The following NOL6 variants were observed in gnomAD, a reference collection of about 807,000 sequenced individuals.
The protein encoded by NOL6 is nucleolar RNA-associated protein.
NOL6 carries 33 observed loss-of-function variants against 131.7 expected under a neutral mutation model. The ratio of observed to expected loss-of-function variants is 0.25; its 90% CI spans 0.19 to 0.33. NOL6 has a LOEUF of 0.33. Among genes scored for constraint, NOL6 ranks in the 10% least tolerant of loss-of-function variants. The pLI is 1.00. For synonymous variants in NOL6, 580 were observed against 605.7 expected (o/e 0.96, Z 0.62); for missense variants, 1,297 against 1,494.5 (o/e 0.87, Z 2.18).
chr9:33,472,779 C>T, intron 1 of NOL6: 1 of 295,676 alleles, frequency 3.4e-6, no homozygotes, highest in Non-Finnish European at 6.5e-6. Context: ...TCGAAATCAG[C>T]CTGGCCAACA....
intron 4 of NOL6, 56 bp from the exon 5 acceptor site, chr9:33,469,723 G>T (rs1827355896): frequency 6.3e-7 from 1 of 1,575,132 alleles, no homozygotes; most frequent in African/African-American, 1.4e-5. Flanking sequence ...GTGGAGCTGT[G>T]GGCCAAGGTG....
rs111688613 is a variant in NOL6, at chr9:33,466,144, C to T, written c.2291G>A (p.Arg764His). 8,437 of 1,613,186 alleles carry T rather than the reference C, an allele frequency of 5.2e-3. 25 individuals carry two copies. The highest frequency in any genetic ancestry group is 9.3e-3 in the Middle Eastern group (56 of 6,042). ...CTGTTGTGTCAACAGCTCTGCCAGG[C>T]GCAGCTGGAAGGCAGCTCGGACCCG... ...VQRVRAAFQL[R>H]LAELLTQQHG... Residue 764 changes from arginine to histidine, a missense_variant, in exon 18 of 26, where the codon CGC becomes CAC. Transcript: ENST00000297990.
rs115821579 is a variant in NOL6 at position 33,469,314 on chromosome 9, C to T, written c.755G>A (p.Arg252His). Residue 252 changes from arginine to histidine, a missense_variant, in exon 6 of 26, where the codon CGT (arginine) becomes CAT (histidine). By Grantham distance (29) the Arg-to-His change is conservative (BLOSUM62 0). Coordinates refer to ENST00000297990, the MANE Select transcript of NOL6 (RefSeq NM_022917.5). The part of the protein sequence containing the change: ...RGKDERLVTV[R>H]LHPCPPPDFF... ...GTCAGGTGGAGGGCACGGATGCAGA[C>T]GTACAGTGACCAGGCGCTCATCCTT... is the stretch of plus-strand genomic sequence containing the variant. 3.0e-5 allele frequency: 48 copies of T among 1,613,916 alleles called. No individual in the cohort carries two copies. The East Asian group carries it at 5.3e-4, about 18-fold the overall frequency.
chr9:33,468,707 CAGG>C (rs765219638), intron 8 of NOL6, 42 bp downstream of exon 8: 4 of 1,613,314 alleles, frequency 2.5e-6, no homozygotes, highest in Non-Finnish European at 3.4e-6. Flanking sequence ...AGAGGATTCC[CAGG>C]AGGAGTGGAG....
At position 33,465,985 on chromosome 9, in the gene NOL6, G is replaced by A. The variant is rs899026045; in HGVS notation, c.2364+86C>T. 1.3e-5 allele frequency: 21 copies of A among 1,567,114 alleles called. No homozygotes were observed. The Admixed American group carries it at 2.3e-4, about 17-fold the overall frequency. On this transcript the variant is annotated intron_variant, in intron 18 of 25. Coordinates refer to ENST00000297990, the MANE Select transcript of NOL6 (RefSeq NM_022917.5). ...GGCCTACAGCCCTATTACCCAGCGT[G>A]GTACCCACAGGGGTGTCTTCTTCCA... is the stretch of plus-strand genomic sequence containing the variant.
intron 19 of NOL6, 45 bp from the exon 20 acceptor site, chr9:33,465,404 C>T: frequency 1.9e-6 from 3 of 1,543,168 alleles, no homozygotes; most frequent in Non-Finnish European, 2.6e-6. Flanking sequence ...GGCCCCACTG[C>T]CACTGTTCAT....
chr9:33,472,770 C>G, intron 1 of NOL6: 1 of 302,112 alleles, frequency 3.3e-6, no homozygotes, highest in South Asian at 3.6e-5. Context: ...GTCAGGAGTT[C>G]GAAATCAGCC....
chr9:33,465,400 A>G lies in NOL6; in HGVS notation c.2529-41T>C, dbSNP rs912810127. On this transcript the variant is annotated intron_variant, in intron 19 of 25. Transcript: ENST00000297990. Reference sequence around the variant, plus strand: ...GAGTGTCAGCGAGACTCAGGGCCCCACTGCCACTGTTCATCCAGCCCCTAC... The same window carrying G: ...GAGTGTCAGCGAGACTCAGGGCCCCGCTGCCACTGTTCATCCAGCCCCTAC... 3.9e-6 allele frequency: 6 copies of G among 1,546,912 alleles called. No individual in the cohort carries two copies. In the African/African-American group the frequency reaches 8.2e-5, roughly 21 times the overall value.
rs970370722 is a variant in NOL6 at position 33,472,556 on chromosome 9, G to A, written c.55-144C>T. 2.7e-5 allele frequency: 18 copies of A among 678,364 alleles called. No individual in the cohort carries two copies. In the African/African-American group the frequency reaches 2.7e-4, roughly 10 times the overall value. The allele number at this position is 678,364 out of a possible 1,614,324, so 42.0% of individuals were successfully genotyped here. On this transcript the variant is annotated intron_variant, in intron 1 of 25. Transcript: ENST00000297990. ...AGGAGTCAGATTTTGTAAAACTCAG[G>A]AGAATCGTTACTTGGATGAACATCA...
At chr9:33,472,863 C>T (rs572710411) in intron 1 of NOL6, among the ~76,000 whole-genome samples, 1 of 151,520 alleles carries the variant, frequency 6.6e-6, no homozygotes, top group African/African-American at 2.4e-5. Context: ...ATCTCAGCTA[C>T]GCGGGAGACT....
At chr9:33,463,803 C>A (rs769217702) in intron 23 of NOL6, 28 bp downstream of exon 23, 9 of 1,610,356 alleles carry the variant, frequency 5.6e-6, no homozygotes, top group Non-Finnish European at 3.4e-6. Flanking sequence ...CCCAGAGGCC[C>A]TGGAGTCACT....
Position 33,468,563 on chromosome 9 carries a change from G to A in NOL6, c.1151C>T (p.Thr384Ile), listed in dbSNP as rs749175470. Residue 384 changes from threonine to isoleucine, a missense_variant, in exon 9 of 26, where the codon ACT becomes ATT. By Grantham distance (89) the Thr-to-Ile change is moderately conservative. Coordinates refer to ENST00000297990, the MANE Select transcript of NOL6 (RefSeq NM_022917.5). The part of the protein sequence containing the change: ...VLRSVLQFLA[T>I]TDLTVNGISL... ...GATCCCGTTGACTGTCAGGTCTGTA[G>A]TGGCTGAAGTGAATCACAAGTGTAT... 3 of 1,614,136 alleles carry A rather than the reference G, an allele frequency of 1.9e-6. No individual in the cohort carries two copies. Among genetic ancestry groups the A allele is most frequent in the Non-Finnish European group, 1.7e-6 (2 of 1,179,990 alleles).
rs771664249 is a variant in NOL6, at chr9:33,468,591, G to C, written c.1148-25C>G. The C allele has an allele frequency of 9.9e-6, 16 of 1,613,392 alleles. No homozygotes were observed. In the East Asian group the frequency reaches 3.6e-4, roughly 36 times the overall value. On this transcript the variant is annotated intron_variant, in intron 8 of 25. Coordinates refer to ENST00000297990, the MANE Select transcript of NOL6 (RefSeq NM_022917.5). ...GCTGAAGTGAATCACAAGTGTATTAGAAGGTATCCCCTTCTGGGGACCCAG... is the reference window on the plus strand; with the variant it reads ...GCTGAAGTGAATCACAAGTGTATTACAAGGTATCCCCTTCTGGGGACCCAG...
chr9:33,473,649 G>A, intron 1 of NOL6, 140 bp downstream of exon 1: 1 of 905,736 alleles, frequency 1.1e-6, no homozygotes, highest in Non-Finnish European at 1.7e-6. Flanking sequence ...CCCTGTCTCA[G>A]TGCCACTGGC....
In NOL6 at chr9:33,469,253, G is replaced by A; in HGVS notation, c.816C>T (p.Asn272=). 6.2e-7 allele frequency: 1 copy of A among 1,614,196 alleles called. No individual in the cohort carries two copies. Among genetic ancestry groups the A allele is most frequent in the Non-Finnish European group, 8.5e-7 (1 of 1,180,036 alleles). Residue 272 remains asparagine (N), a synonymous_variant, in exon 6 of 26, where the codon AAC becomes AAT. Coordinates refer to ENST00000297990, the MANE Select transcript of NOL6 (RefSeq NM_022917.5). ...CTCGGTACCAGGCAGAGCGCACATT[G>A]TTCTTGGTTGGCAGCAAGCGGCACG... ...FRPCRLLPTK[N]NVRSAWYRGQ...
intron 19 of NOL6, 127 bp from the exon 20 acceptor site, chr9:33,465,486 C>A (rs540860974): frequency 9.0e-6 from 11 of 1,222,564 alleles, no homozygotes; most frequent in Non-Finnish European, 1.2e-5. Flanking sequence ...TTAAGAAATG[C>A]ACCAAGAAGT....
At position 33,472,244 on chromosome 9, in the gene NOL6, T is replaced by C; in HGVS notation, c.223A>G (p.Thr75Ala). 1 of 1,614,158 alleles carries C rather than the reference T, an allele frequency of 6.2e-7. No individual in the cohort carries two copies. ...TNEELNRLRE[T>A]EILFHSSLLR... ...AAGCTGGAGTGGAACAAGATCTCAG[T>C]CTCCCGAAGGCGATTAAGCTCCTCA... Residue 75 changes from threonine to alanine, a missense_variant, in exon 2 of 26, where the codon ACT (threonine) becomes GCT (alanine). Physicochemically the swap from Thr to Ala is moderately conservative, Grantham distance 58. Coordinates refer to ENST00000297990, the MANE Select transcript of NOL6 (RefSeq NM_022917.5).
At position 33,470,542 on chromosome 9, in the gene NOL6, G is replaced by A. The variant is rs563431266; in HGVS notation, c.379-351C>T. ...CCCGTCTCTACAAAAATAATTAGCC[G>A]GGCATGGCGGCGTGCGCCTGTAGTC... On this transcript the variant is annotated intron_variant, in intron 3 of 25. Transcript: ENST00000297990. The A allele has an allele frequency of 5.2e-4, 82 of 156,806 alleles. 2 individuals carry two copies. The South Asian group carries it at 0.014, about 28-fold the overall frequency. 9.7% of individuals were successfully genotyped at this position (156,806 alleles called of 1,614,324 possible).
Position 33,469,647 on chromosome 9 carries a change from G to A in NOL6, c.579C>T (p.Asp193=), listed in dbSNP as rs138499927. 6.8e-4 allele frequency: 1,092 copies of A among 1,611,444 alleles called. 6 individuals carry two copies. In the African/African-American group the frequency reaches 0.013, roughly 19 times the overall value. ...TMPREILQDK[D]GLNQRYFRKR... is the part of the protein sequence containing the mutation. Reference sequence around the variant, plus strand: ...TGCGGAAGTAGCGCTGGTTCAGCCCGTCCTTGTCCTGTAGGATTTCCTGGA... The same window carrying A: ...TGCGGAAGTAGCGCTGGTTCAGCCCATCCTTGTCCTGTAGGATTTCCTGGA... Residue 193 remains aspartate (D), a synonymous_variant, in exon 5 of 26, where the codon GAC becomes GAT. Transcript: ENST00000297990.
Sources: allele counts gnomAD v4.1 joint callset (sites outside exome capture counted in the v4.1 genomes callset), GRCh38; gene constraint gnomAD v4.1.1; transcripts MANE v1.5; gene names NCBI Gene and HGNC (gene_info 2026-07-23, HGNC 2026-07-21).